Variants in SYN3 observed in about 807,000 individuals in gnomAD.
SYN3 encodes synapsin III.
SYN3 carries 35 observed loss-of-function variants against 65.8 expected under a neutral mutation model. The observed-to-expected ratio is 0.53, with a 90% CI of 0.41 to 0.70. The LOEUF (loss-of-function observed/expected upper bound fraction) is 0.70. Among genes scored for constraint, SYN3 ranks in the 30% least tolerant of loss-of-function variants. The probability of loss-of-function intolerance (pLI) is 0.00; values close to 1 mark genes in which losing one functional copy is unlikely to be tolerated. For missense variants in SYN3, 680 were observed against 749.0 expected (o/e 0.91, Z 1.08); for synonymous variants, 270 against 292.9 (o/e 0.92, Z 0.80).
chr22:32,778,081 G>C (rs1220700108), intron 6 of SYN3, among the ~76,000 whole-genome samples: 1 of 152,192 alleles, frequency 6.6e-6, no homozygotes, highest in East Asian at 1.9e-4. Flanking sequence ...CCTATCAAGT[G>C]CTGGCTGGTG....
At chr22:32,941,457 C>A (rs1601743762) in intron 3 of SYN3, among the ~76,000 whole-genome samples, 1 of 152,164 alleles carries the variant, frequency 6.6e-6, no homozygotes, top group Admixed American at 6.5e-5. Flanking sequence ...TTAAAAATTT[C>A]TTTCCCGGGC....
At chr22:32,646,370 G>A (rs1355527675) in intron 6 of SYN3, among the ~76,000 whole-genome samples, 3 of 152,162 alleles carry the variant, frequency 2.0e-5, no homozygotes, top group African/African-American at 7.2e-5. Flanking sequence ...GTTCATGCTG[G>A]TGCTTAAAAT....
At chr22:32,855,880 G>C (rs144857567) in intron 6 of SYN3, among the ~76,000 whole-genome samples, 4 of 152,126 alleles carry the variant, frequency 2.6e-5, no homozygotes, top group African/African-American at 4.8e-5. Flanking sequence ...GCAATTTCAC[G>C]TGGTTCAATC....
chr22:32,772,549 C>G (rs1300740258), intron 6 of SYN3, among the ~76,000 whole-genome samples: 9 of 152,118 alleles, frequency 5.9e-5, no homozygotes, highest in Admixed American at 5.9e-4. Flanking sequence ...CCCTAAAGCC[C>G]ATAAATGTTA....
At chr22:32,747,971 A>G (rs1432460205) in intron 6 of SYN3, among the ~76,000 whole-genome samples, 9 of 152,216 alleles carry the variant, frequency 5.9e-5, no homozygotes, top group Non-Finnish European at 1.5e-5. Flanking sequence ...TGCTCTTGGC[A>G]GCCTGAGCTC....
At chr22:32,953,306 C>A (rs2146838068) in intron 3 of SYN3, among the ~76,000 whole-genome samples, 1 of 152,224 alleles carries the variant, frequency 6.6e-6, no homozygotes, top group East Asian at 1.9e-4. Context: ...GGGCTGGTGA[C>A]ACAGCAGTGA....
At chr22:32,935,129 A>T (rs941583776) in intron 3 of SYN3, among the ~76,000 whole-genome samples, 2 of 152,182 alleles carry the variant, frequency 1.3e-5, no homozygotes, top group African/African-American at 4.8e-5. Context: ...CTAGCAAATT[A>T]AAATAATAAC....
intron 6 of SYN3, among the ~76,000 whole-genome samples, chr22:32,766,175 C>T (rs1228492786): frequency 6.6e-6 from 1 of 152,182 alleles, no homozygotes; most frequent in Non-Finnish European, 1.5e-5. Context: ...GATATAGAGC[C>T]TTTGGAAAAG....
intron 7 of SYN3, among the ~76,000 whole-genome samples, chr22:32,577,516 C>A (rs905888317): frequency 5.9e-5 from 9 of 152,210 alleles, no homozygotes; most frequent in Admixed American, 1.3e-4. Flanking sequence ...CACACACTTA[C>A]ATGTTTTTTT....
At chr22:32,519,233 C>A (rs1194168668) in intron 12 of SYN3, among the ~76,000 whole-genome samples, 4 of 152,062 alleles carry the variant, frequency 2.6e-5, no homozygotes, top group Admixed American at 2.6e-4. Context: ...AACGGGTTCC[C>A]AGCTTATCCT....
At chr22:32,974,656 G>A (rs374940492) in intron 3 of SYN3, among the ~76,000 whole-genome samples, 5 of 152,146 alleles carry the variant, frequency 3.3e-5, no homozygotes, top group Admixed American at 1.3e-4. Flanking sequence ...GTGTGTGTGT[G>A]TGTGTGCATG....
chr22:32,706,559 TAA>T (rs2060883184), intron 6 of SYN3, among the ~76,000 whole-genome samples: 1 of 152,204 alleles, frequency 6.6e-6, no homozygotes, highest in African/African-American at 2.4e-5. Flanking sequence ...AAAGCAATGT[TAA>T]CAGGAATTCT....
At chr22:32,566,209 T>C (rs945104424) in intron 7 of SYN3, among the ~76,000 whole-genome samples, 4 of 152,200 alleles carry the variant, frequency 2.6e-5, no homozygotes, top group Non-Finnish European at 4.4e-5. Context: ...ATAAAAATTA[T>C]GATTGAGATA....
chr22:32,865,915 T>A (rs1038416633), intron 5 of SYN3, among the ~76,000 whole-genome samples: 2 of 151,944 alleles, frequency 1.3e-5, no homozygotes, highest in Non-Finnish European at 2.9e-5. Context: ...GCAGACGACA[T>A]AAGAGAAGGA....
chr22:32,725,319 C>G (rs931972352), intron 6 of SYN3, among the ~76,000 whole-genome samples: 1 of 152,176 alleles, frequency 6.6e-6, no homozygotes, highest in Non-Finnish European at 1.5e-5. Context: ...CACTCCAGAG[C>G]TGGAATGCCA....
chr22:32,815,480 G>A (rs933294106), intron 6 of SYN3, among the ~76,000 whole-genome samples: 1 of 152,092 alleles, frequency 6.6e-6, no homozygotes, highest in Non-Finnish European at 1.5e-5. Context: ...ACCTTTTAAA[G>A]CATTATCTCC....
intron 4 of SYN3, among the ~76,000 whole-genome samples, chr22:32,880,436 G>T (rs532164691): frequency 6.6e-6 from 1 of 152,324 alleles, no homozygotes; most frequent in East Asian, 1.9e-4. Flanking sequence ...CTACAGGGGG[G>T]CTCTGGGGCA....
chr22:32,619,224 A>G (rs2059562097), intron 6 of SYN3, among the ~76,000 whole-genome samples: 1 of 152,210 alleles, frequency 6.6e-6, no homozygotes, highest in Non-Finnish European at 1.5e-5. Flanking sequence ...GGCCTACCTA[A>G]CCATATGATC....
chr22:32,925,866 C>CTTTTTTTTTTTTT (rs34649323), intron 4 of SYN3, among the ~76,000 whole-genome samples: 1 of 132,730 alleles, frequency 7.5e-6, no homozygotes, highest in African/African-American at 2.8e-5. Flanking sequence ...GATAGTTGTT[C>CTTTTTTTTTTTTT]TTTTTTTTTT....
Sources: gnomAD v4.1 joint callset for allele counts (sites outside exome capture counted in the v4.1 genomes callset) on GRCh38, gnomAD v4.1.1 for gene constraint, MANE v1.5 for transcripts, NCBI Gene and HGNC (gene_info 2026-07-23, HGNC 2026-07-21) for gene names.